The following STAB2 variants were observed in gnomAD, a reference collection of about 807,000 sequenced individuals.
The protein encoded by STAB2 is stabilin-2.
Under a neutral mutation model 338.1 loss-of-function variants are expected in STAB2, and 288 were observed. That is an observed-to-expected ratio of 0.85 (90% CI 0.77 to 0.94). The LOEUF is 0.94. Ranked by LOEUF, STAB2 falls within the 40% of genes least tolerant of loss-of-function variation. STAB2 has a pLI of 0.00. For synonymous variants in STAB2, 1,202 were observed against 1,193.3 expected, an observed-to-expected ratio of 1.01 and a Z score of -0.15; for missense variants, 3,141 against 3,210.1, an observed-to-expected ratio of 0.98 and a Z score of 0.52.
At chr12:103,739,565 G>GTA in intron 54 of STAB2, 97 bp downstream of exon 54, 1 of 883,742 alleles carries the variant, frequency 1.1e-6, no homozygotes, top group Non-Finnish European at 1.6e-6. Context: ...GTGTGTGTGT[G>GTA]TGTGTGTGCC....
Position 103,688,201 on chromosome 12 carries a change from A to G in STAB2, c.3031A>G (p.Asn1011Asp). 1.2e-6 allele frequency: 2 copies of G among 1,613,924 alleles called. No individual in the cohort carries two copies. Among genetic ancestry groups the G allele is most frequent in the Non-Finnish European group, 1.7e-6 (2 of 1,179,784 alleles). The change falls in exon 28 of 69, where the codon AAC becomes GAC. Residue 1011 changes from asparagine to aspartate, a missense_variant. Coordinates refer to ENST00000388887, the MANE Select transcript of STAB2 (RefSeq NM_017564.10). ...ATTTCTCTCCGAAGCAGCTATATTTAACCGATGGATAAATGTGAGTACCTT... is the reference window on the plus strand; with the variant it reads ...ATTTCTCTCCGAAGCAGCTATATTTGACCGATGGATAAATGTGAGTACCTT... ...LSFLSEAAIF[N>D]RWINNASLQP... is the part of the protein sequence containing the mutation.
rs1270883371 is a variant in STAB2, at chr12:103,690,495, C to T, written c.3254C>T (p.Thr1085Ile). Residue 1085 changes from threonine to isoleucine, a missense_variant, in exon 30 of 69, where the codon ACA (threonine) becomes ATA (isoleucine). Transcript: ENST00000388887. ...CTGTCTTCTTCTGACATGTTGGCAA[C>T]ATCTTTGCAGGGCAACTTCCTTCAC... ...QTLSSSDMLA[T>I]SLQGNFLHLA... 1.2e-6 allele frequency: 2 copies of T among 1,614,016 alleles called. No homozygotes were observed. The highest frequency in any genetic ancestry group is 2.7e-5 in the African/African-American group (2 of 74,940).
At chr12:103,738,866 T>C (rs1488360975) in intron 53 of STAB2, among the ~76,000 whole-genome samples, 1 of 152,228 alleles carries the variant, frequency 6.6e-6, no homozygotes, top group Non-Finnish European at 1.5e-5. Flanking sequence ...TCCAGCTCTG[T>C]ATAACAGATT....
At chr12:103,726,716 A>G (rs1297537302) in intron 46 of STAB2, among the ~76,000 whole-genome samples, 1 of 152,210 alleles carries the variant, frequency 6.6e-6, no homozygotes, top group Admixed American at 6.5e-5. Context: ...TGCACATCAT[A>G]CATCTGAATG....
At chr12:103,755,068 G>T (rs1883991024) in intron 61 of STAB2, 1 of 522,808 alleles carries the variant, frequency 1.9e-6, no homozygotes, top group African/African-American at 1.9e-5. Flanking sequence ...GAAGAGAAAT[G>T]AGTATGAAAG....
chr12:103,683,126 T>C, intron 25 of STAB2, 79 bp from the exon 26 acceptor site: 1 of 1,277,188 alleles, frequency 7.8e-7, no homozygotes, highest in East Asian at 2.4e-5. Flanking sequence ...CATAGTACGT[T>C]TCTCAGTGCT....
intron 43 of STAB2, among the ~76,000 whole-genome samples, chr12:103,717,176 G>T (rs1880382992): frequency 6.6e-6 from 1 of 152,206 alleles, no homozygotes; most frequent in Admixed American, 6.5e-5. Context: ...CTTCAGCCCA[G>T]TGGCCGGGTG....
At chr12:103,700,852 AATT>A (rs993881513) in intron 34 of STAB2, among the ~76,000 whole-genome samples, 5 of 151,816 alleles carry the variant, frequency 3.3e-5, no homozygotes, top group Admixed American at 1.3e-4. Flanking sequence ...TCTTTTTTTT[AATT>A]ATTATTATAC....
At chr12:103,646,160 G>C (rs985535161) in intron 9 of STAB2, among the ~76,000 whole-genome samples, 1 of 151,918 alleles carries the variant, frequency 6.6e-6, no homozygotes, top group Non-Finnish European at 1.5e-5. Context: ...GCAACAAGAG[G>C]GAAAACTCCA....
intron 57 of STAB2, 90 bp downstream of exon 57, chr12:103,745,367 C>A: frequency 2.5e-6 from 3 of 1,205,414 alleles, no homozygotes; most frequent in Admixed American, 2.7e-5. Flanking sequence ...GTCTGAGTGA[C>A]ATCTGAAAAA....
chr12:103,759,709 T>C (rs1884400371), intron 65 of STAB2, among the ~76,000 whole-genome samples: 1 of 151,846 alleles, frequency 6.6e-6, no homozygotes, highest in African/African-American at 2.4e-5. Context: ...ATGGTGGTGA[T>C]GATGATACAG....
intron 68 of STAB2, among the ~76,000 whole-genome samples, chr12:103,764,848 A>G (rs552299167): frequency 6.6e-6 from 1 of 152,106 alleles, no homozygotes; most frequent in Non-Finnish European, 1.5e-5. Context: ...GTGTAATCCC[A>G]GCACTTTCGG....
chr12:103,727,961 T>C (rs1480579991), intron 47 of STAB2, among the ~76,000 whole-genome samples: 1 of 152,192 alleles, frequency 6.6e-6, no homozygotes, highest in African/African-American at 2.4e-5. Context: ...GACCCAAACC[T>C]GGGCCCGTGT....
intron 12 of STAB2, among the ~76,000 whole-genome samples, chr12:103,653,531 C>CATGGATGCATGG (rs1555232186): frequency 1.3e-5 from 2 of 149,350 alleles, no homozygotes; most frequent in Non-Finnish European, 3.0e-5. Flanking sequence ...ATGGATGATG[C>CATGGATGCATGG]ATGGATGGAT....
intron 45 of STAB2, 81 bp from the exon 46 acceptor site, chr12:103,726,035 A>G (rs1455661382): frequency 2.0e-6 from 3 of 1,485,810 alleles, no homozygotes; most frequent in African/African-American, 2.8e-5. Context: ...AAGGGATGGC[A>G]GAGAAATCAT....
Position 103,755,597 on chromosome 12 carries a change from G to T in STAB2, c.6881-15G>T. 6.2e-7 allele frequency: 1 copy of T among 1,613,972 alleles called. No individual in the cohort carries two copies. The highest frequency in any genetic ancestry group is 8.5e-7 in the Non-Finnish European group (1 of 1,179,886). ...GCCTTACTTGTGTGGGACCCTGTGTGCCTCTGCCCTCCAGATGTGAACTGC... is the reference window on the plus strand; with the variant it reads ...GCCTTACTTGTGTGGGACCCTGTGTTCCTCTGCCCTCCAGATGTGAACTGC... On this transcript the variant is annotated splice_polypyrimidine_tract_variant and intron_variant, in intron 62 of 68. Transcript: ENST00000388887.
intron 9 of STAB2, among the ~76,000 whole-genome samples, chr12:103,641,085 A>G (rs746715783): frequency 1.3e-5 from 2 of 152,230 alleles, no homozygotes; most frequent in Admixed American, 6.5e-5. Context: ...AGAAAGACTC[A>G]TAGTGCCATT....
intron 25 of STAB2, among the ~76,000 whole-genome samples, chr12:103,679,173 C>T (rs373778728): frequency 6.6e-6 from 1 of 151,976 alleles, no homozygotes; most frequent in Non-Finnish European, 1.5e-5. Context: ...ATTGGGAGTT[C>T]GAGCCCAGCC....
At chr12:103,656,210 T>C (rs1040006129) in intron 15 of STAB2, among the ~76,000 whole-genome samples, 7 of 152,250 alleles carry the variant, frequency 4.6e-5, no homozygotes, top group Admixed American at 6.5e-5. Flanking sequence ...TTGTGGAATT[T>C]TGTTCGTTAG....
Sources: allele counts gnomAD v4.1 joint callset (sites outside exome capture counted in the v4.1 genomes callset), GRCh38; gene constraint gnomAD v4.1.1; transcripts MANE v1.5; gene names NCBI Gene and HGNC (gene_info 2026-07-23, HGNC 2026-07-21).